HEATR5B: variants seen among roughly 807,000 people sequenced by gnomAD.
HEATR5B encodes HEAT repeat-containing protein 5B.
In HEATR5B, 156 loss-of-function variants were observed where a neutral mutation model predicts 224.1. The observed-to-expected ratio is 0.70, with a 90% CI of 0.61 to 0.80. The LOEUF is 0.80. Ranked by LOEUF, HEATR5B falls within the 30% of genes least tolerant of loss-of-function variation. The pLI, the probability that HEATR5B is intolerant of heterozygous loss-of-function variation, is 0.00. For missense variants in HEATR5B, 2,323 were observed against 2,535.5 expected (o/e 0.92, Z 1.80); for synonymous variants, 1,027 against 893.0 (o/e 1.15, Z -2.68).
Position 37,032,695 on chromosome 2 carries a change from C to G in HEATR5B, c.3295G>C (p.Ala1099Pro), listed in dbSNP as rs1246990837. The G allele has an allele frequency of 2.5e-6, 4 of 1,613,980 alleles. No individual in the cohort carries two copies. ...CLRQLAQREAAEVCEYAMSLA... is the reference protein window; with the variant it reads ...CLRQLAQREAPEVCEYAMSLA... ...CTCATGGCATATTCACATACTTCCG[C>G]TGCTTCTCTTTGTGCAAGTTGCCGA... is the stretch of plus-strand genomic sequence containing the variant. The change falls in exon 22 of 36, where the codon GCG becomes CCG. Residue 1099 changes from alanine (A) to proline (P), a missense_variant. By Grantham distance (27) the Ala-to-Pro change is conservative. Transcript: ENST00000233099.
At chr2:37,083,218 G>T in intron 2 of HEATR5B, 71 bp downstream of exon 2, 1 of 1,559,000 alleles carries the variant, frequency 6.4e-7, no homozygotes, top group Non-Finnish European at 8.8e-7. Context: ...CATAACATGT[G>T]TTTTCTTAAG....
At chr2:37,083,798 T>C (rs532636783) in intron 1 of HEATR5B, among the ~76,000 whole-genome samples, 4 of 152,240 alleles carry the variant, frequency 2.6e-5, no homozygotes, top group African/African-American at 7.2e-5. Context: ...TTGACAACCA[T>C]CCTCCTCTTT....
chr2:36,999,623 G>A (rs1666954775), intron 33 of HEATR5B, among the ~76,000 whole-genome samples: 1 of 151,896 alleles, frequency 6.6e-6, no homozygotes, highest in African/African-American at 2.4e-5. Flanking sequence ...AGGTTGCAGT[G>A]AGCTGAGATC....
intron 35 of HEATR5B, among the ~76,000 whole-genome samples, chr2:36,986,000 C>G (rs1008353419): frequency 6.6e-6 from 1 of 152,000 alleles, no homozygotes; most frequent in African/African-American, 2.4e-5. Context: ...GTTCCCTTCC[C>G]TATCTGTCCT....
At chr2:36,992,915 A>G (rs1342450524) in intron 33 of HEATR5B, among the ~76,000 whole-genome samples, 1 of 151,974 alleles carries the variant, frequency 6.6e-6, no homozygotes. Context: ...TTATAGAGAC[A>G]GCGTCTTACC....
At chr2:37,049,343 C>T (rs1486425730) in intron 18 of HEATR5B, among the ~76,000 whole-genome samples, 2 of 152,152 alleles carry the variant, frequency 1.3e-5, no homozygotes, top group Non-Finnish European at 2.9e-5. Context: ...GAGAAAATGA[C>T]GTCAGAGCAC....
chr2:37,058,360 A>G (rs1658933195), intron 14 of HEATR5B, 91 bp downstream of exon 14: 2 of 728,952 alleles, frequency 2.7e-6, no homozygotes, highest in Admixed American at 2.2e-5. Context: ...TTGCACAGTA[A>G]GTCAGTGGGA....
In HEATR5B at chr2:37,073,301, C is replaced by T. The variant is rs75829977; in HGVS notation, c.598-1020G>A. Among the ~76,000 whole-genome samples the T allele has an allele frequency of 0.011, 1,628 of 152,254 alleles. 65 individuals are homozygous for T. In the East Asian group the frequency reaches 0.14, roughly 13 times the overall value. On this transcript the variant is annotated intron_variant, in intron 5 of 35. Coordinates refer to ENST00000233099, the MANE Select transcript of HEATR5B (RefSeq NM_019024.3). ...TGCAATATTGGTTAAAATTCTAAAA[C>T]TAATCAATGTTATTCACCACATTAG...
chr2:37,077,854 A>G (rs1298365619), intron 3 of HEATR5B, among the ~76,000 whole-genome samples: 2 of 152,234 alleles, frequency 1.3e-5, no homozygotes, highest in African/African-American at 4.8e-5. Flanking sequence ...ATTTACAAAT[A>G]ATACTATACT....
chr2:37,072,144 G>C lies in HEATR5B; in HGVS notation c.735C>G (p.Val245=). The change falls in exon 6 of 36, where the codon GTC becomes GTG. Residue 245 remains valine, a synonymous_variant. Coordinates refer to ENST00000233099, the MANE Select transcript of HEATR5B (RefSeq NM_019024.3). The part of the protein sequence containing the change: ...RVAVSKLLGT[V]MATALMPKQA... ...GTTTTGGCATTAATGCTGTGGCCAT[G>C]ACTGTTCCTAAAAGTTTAGACACTG... 1.2e-6 allele frequency: 2 copies of C among 1,614,052 alleles called. No individual in the cohort carries two copies. Among genetic ancestry groups the C allele is most frequent in the Non-Finnish European group, 1.7e-6 (2 of 1,179,978 alleles).
At chr2:36,986,648 C>T (rs186449944) in intron 35 of HEATR5B, among the ~76,000 whole-genome samples, 125 of 152,206 alleles carry the variant, frequency 8.2e-4, no homozygotes, top group Admixed American at 2.1e-3. Context: ...GATGGAGTCT[C>T]GCTCTGTCAC....
At chr2:36,997,894 C>A (rs1304240883) in intron 33 of HEATR5B, among the ~76,000 whole-genome samples, 1 of 152,190 alleles carries the variant, frequency 6.6e-6, no homozygotes, top group Non-Finnish European at 1.5e-5. Flanking sequence ...GTAAAACATT[C>A]ACCTATATTT....
At chr2:36,997,054 A>T (rs952114194) in intron 33 of HEATR5B, among the ~76,000 whole-genome samples, 3 of 152,060 alleles carry the variant, frequency 2.0e-5, no homozygotes, top group Non-Finnish European at 4.4e-5. Context: ...GAGTAAGTGA[A>T]TTTTTTCTAA....
chr2:36,996,263 G>A (rs1452539149), intron 33 of HEATR5B, among the ~76,000 whole-genome samples: 1 of 151,250 alleles, frequency 6.6e-6, no homozygotes, highest in Non-Finnish European at 1.5e-5. Flanking sequence ...ATTTCACCAT[G>A]TTGGCCAGGC....
intron 27 of HEATR5B, among the ~76,000 whole-genome samples, chr2:37,011,373 C>T (rs6753260): frequency 6.6e-6 from 1 of 152,066 alleles, no homozygotes; most frequent in African/African-American, 2.4e-5. Context: ...CTGGAAGTAG[C>T]TGAAGTTTTT....
At chr2:37,024,659 A>C (rs1668659701) in intron 24 of HEATR5B, among the ~76,000 whole-genome samples, 1 of 152,230 alleles carries the variant, frequency 6.6e-6, no homozygotes, top group African/African-American at 2.4e-5. Flanking sequence ...GAAAATTCCC[A>C]AGGCAGTACA....
intron 31 of HEATR5B, 44 bp from the exon 32 acceptor site, chr2:37,002,616 G>A (rs780383151): frequency 1.9e-6 from 3 of 1,586,298 alleles, no homozygotes; most frequent in Non-Finnish European, 2.6e-6. Flanking sequence ...CCAAAAAAAA[G>A]TATGTAAAAC....
chr2:37,062,644 T>A (rs1165057315), intron 10 of HEATR5B, among the ~76,000 whole-genome samples: 3 of 152,328 alleles, frequency 2.0e-5, no homozygotes, highest in South Asian at 4.1e-4. Context: ...ACAGAAATAA[T>A]AGGAATGCCT....
chr2:37,048,754 T>C (rs1670355075), intron 18 of HEATR5B, among the ~76,000 whole-genome samples: 1 of 152,238 alleles, frequency 6.6e-6, no homozygotes, highest in Non-Finnish European at 1.5e-5. Context: ...ATATTTTAAC[T>C]GTCTTTTGCC....
Sources: allele counts gnomAD v4.1 joint callset (sites outside exome capture counted in the v4.1 genomes callset), GRCh38; gene constraint gnomAD v4.1.1; transcripts MANE v1.5; gene names NCBI Gene and HGNC (gene_info 2026-07-23, HGNC 2026-07-21).